The following CADPS variants were observed in gnomAD, a reference collection of about 807,000 sequenced individuals.
The protein encoded by CADPS is calcium-dependent secretion activator 1.
CADPS carries 57 observed loss-of-function variants against 167.3 expected under a neutral mutation model. The ratio of observed to expected loss-of-function variants is 0.34; its 90% CI spans 0.28 to 0.42. The LOEUF (loss-of-function observed/expected upper bound fraction) is 0.42. CADPS is among the 20% of genes least tolerant of loss of function. The pLI is 1.00. For missense variants in CADPS, 1,414 were observed against 1,738.1 expected (o/e 0.81, Z 3.32); for synonymous variants, 676 against 635.3 (o/e 1.06, Z -0.96).
intron 1 of CADPS, among the ~76,000 whole-genome samples, chr3:62,859,497 C>T (rs2080353102): frequency 6.6e-6 from 1 of 152,154 alleles, no homozygotes. Context: ...GGCAAATCTA[C>T]AATTGTCTAG....
intron 3 of CADPS, among the ~76,000 whole-genome samples, chr3:62,733,982 G>C (rs537492301): frequency 4.6e-5 from 7 of 152,230 alleles, no homozygotes; most frequent in African/African-American, 1.7e-4. Flanking sequence ...TCCGTTTTAC[G>C]GTGAGTAGTA....
rs778430753 is a variant in CADPS at position 62,585,256 on chromosome 3, G to A, written c.1506C>T (p.Asn502=). The change falls in exon 8 of 30, where the codon AAC becomes AAT. Residue 502 remains asparagine (N), a synonymous_variant. Transcript: ENST00000383710. ...TGATTTTGAGATCTTGGTCGGGGCA[G>A]TTTTTGGAGACTGTCATTTTGTGCC... The part of the protein sequence containing the change: ...SEWHKMTVSK[N]CPDQDLKIKL... 1.9e-6 allele frequency: 3 copies of A among 1,613,852 alleles called. No homozygotes were observed. In the African/African-American group the frequency reaches 4.0e-5, roughly 22 times the overall value.
chr3:62,753,381 A>G lies in CADPS; in HGVS notation c.888+60T>C. 1 of 1,222,240 alleles carries G rather than the reference A, an allele frequency of 8.2e-7. No homozygotes were observed. 75.7% of individuals were successfully genotyped at this position (1,222,240 alleles called of 1,614,324 possible). ...TTAAAAAAATCAAGAAGTATCTCAT[A>G]GAAGTTGGAATGCAGCTCTGCTTAC... On this transcript the variant is annotated intron_variant, in intron 3 of 29. Coordinates refer to ENST00000383710, the MANE Select transcript of CADPS (RefSeq NM_003716.4). This position sits in a 1 kb window ranked among gnomAD's most constrained non-coding sequence, Gnocchi z 4.6.
Position 62,465,796 on chromosome 3 carries a change from C to T in CADPS, c.3553-346G>A, listed in dbSNP as rs1286804298. On this transcript the variant is annotated intron_variant, in intron 25 of 29. Transcript: ENST00000383710. This position sits in a 1 kb window ranked among gnomAD's most constrained non-coding sequence, Gnocchi z 4.1. ...GTTTCTACGTTACATATTAGCACTA[C>T]ATTTAATCCAATCTATTTTTATTTG... 6.6e-6 allele frequency among the ~76,000 whole-genome samples: 1 copy of T among 152,232 alleles called. No homozygotes were observed. Among genetic ancestry groups the T allele is most frequent in the Non-Finnish European group, 1.5e-5 (1 of 68,038 alleles).
chr3:62,820,222 A>G (rs9311850), intron 1 of CADPS, among the ~76,000 whole-genome samples: 1 of 152,044 alleles, frequency 6.6e-6, no homozygotes, highest in Non-Finnish European at 1.5e-5. Context: ...CACTGGGCTC[A>G]ATCTGAAAAT....
At chr3:62,850,665 A>C (rs1407813707) in intron 1 of CADPS, among the ~76,000 whole-genome samples, 1 of 151,348 alleles carries the variant, frequency 6.6e-6, no homozygotes, top group Admixed American at 6.6e-5. Flanking sequence ...CTGTTCTTTT[A>C]CATTTGCTGA....
Position 62,544,784 on chromosome 3 carries a change from AT to A in CADPS, c.1966+5118del. On this transcript the variant is annotated intron_variant, in intron 11 of 29. Transcript: ENST00000383710. The surrounding 1 kb of genome is among the most constrained non-coding windows in gnomAD (Gnocchi z 4.4). ...GAAGATTTAAGGGGGAGGGAAGCAC[AT>A]TGCAGGTGTCAGATAATCTAATCTG... 1.2e-6 allele frequency: 1 copy of A among 852,910 alleles called. No individual in the cohort carries two copies. The highest frequency in any genetic ancestry group is 2.3e-5 in the South Asian group (1 of 43,424). The allele number at this position is 852,910 out of a possible 1,614,324, so 52.8% of individuals were successfully genotyped here.
chr3:62,563,965 G>A (rs181599696), intron 9 of CADPS, among the ~76,000 whole-genome samples: 18 of 152,246 alleles, frequency 1.2e-4, no homozygotes, highest in Admixed American at 1.2e-3. Context: ...CTAAGTGCTA[G>A]GAGTTATTGA....
chr3:62,812,335 T>C (rs2094429109), intron 1 of CADPS, among the ~76,000 whole-genome samples: 1 of 152,182 alleles, frequency 6.6e-6, no homozygotes, highest in Non-Finnish European at 1.5e-5. Context: ...ATACATAAGG[T>C]GGCCTTCAAG....
chr3:62,646,415 G>T (rs1183237838), intron 5 of CADPS, among the ~76,000 whole-genome samples: 1 of 151,462 alleles, frequency 6.6e-6, no homozygotes, highest in South Asian at 2.1e-4. Context: ...CAGGCACTAC[G>T]CCCGCCTCAG....
At position 62,438,229 on chromosome 3, in the gene CADPS, A is replaced by T; in HGVS notation, c.3670-18T>A. The T allele has an allele frequency of 1.3e-6, 2 of 1,591,168 alleles. No individual in the cohort carries two copies. The highest frequency in any genetic ancestry group is 1.1e-5 in the South Asian group (1 of 90,552). On this transcript the variant is annotated intron_variant, in intron 27 of 29. Transcript: ENST00000383710. This position sits in a 1 kb window ranked among gnomAD's most constrained non-coding sequence, Gnocchi z 4.7. The stretch of plus-strand genomic sequence containing the variant: ...CCGGGTTTCTGTAAAGAAACAGGAA[A>T]ACATGAAAACGAATTTTCAGACAGC...
chr3:62,805,600 A>T (rs1448325895), intron 1 of CADPS, among the ~76,000 whole-genome samples: 1 of 152,152 alleles, frequency 6.6e-6, no homozygotes, highest in African/African-American at 2.4e-5. Flanking sequence ...TATCAGCACT[A>T]ACTATATGTA....
chr3:62,558,446 C>G (rs2078573723), intron 9 of CADPS, among the ~76,000 whole-genome samples: 1 of 152,246 alleles, frequency 6.6e-6, no homozygotes, highest in Non-Finnish European at 1.5e-5. Flanking sequence ...GGGCTAAATG[C>G]TCTCAGGCAT....
At chr3:62,422,793 C>G (rs1463726220) in intron 28 of CADPS, among the ~76,000 whole-genome samples, 2 of 152,138 alleles carry the variant, frequency 1.3e-5, no homozygotes, top group African/African-American at 2.4e-5. Flanking sequence ...CCTCATAGTG[C>G]CATTGAAAAC....
intron 4 of CADPS, among the ~76,000 whole-genome samples, chr3:62,658,298 T>A (rs2072244687): frequency 6.6e-6 from 1 of 152,104 alleles, no homozygotes; most frequent in African/African-American, 2.4e-5. Flanking sequence ...ACAGCCAGTG[T>A]CTGACTGACA....
chr3:62,751,100 A>C (rs1033855766), intron 3 of CADPS, among the ~76,000 whole-genome samples: 2 of 152,202 alleles, frequency 1.3e-5, no homozygotes, highest in Non-Finnish European at 2.9e-5. Context: ...AGGCTACACT[A>C]AGAATTTATT....
chr3:62,637,040 C>G (rs943819267), intron 6 of CADPS, among the ~76,000 whole-genome samples: 1 of 152,110 alleles, frequency 6.6e-6, no homozygotes, highest in Non-Finnish European at 1.5e-5. Flanking sequence ...TATTTCTTAA[C>G]AGTACCATGT....
chr3:62,596,200 ATTT>A (rs11361617), intron 6 of CADPS, among the ~76,000 whole-genome samples: 11 of 136,778 alleles, frequency 8.0e-5, no homozygotes, highest in Admixed American at 1.5e-4. Flanking sequence ...ACAGAGTGCT[ATTT>A]TTTTTTTTTT....
At chr3:62,538,832 T>C (rs1199918053) in intron 11 of CADPS, among the ~76,000 whole-genome samples, 2 of 152,188 alleles carry the variant, frequency 1.3e-5, no homozygotes, top group African/African-American at 4.8e-5. Context: ...TTCACTTTGC[T>C]GGCCACTCAG....
Sources: allele counts gnomAD v4.1 joint callset (sites outside exome capture counted in the v4.1 genomes callset), GRCh38; gene constraint gnomAD v4.1.1; non-coding constraint Gnocchi (gnomAD v3.1); transcripts MANE v1.5; gene names NCBI Gene and HGNC (gene_info 2026-07-23, HGNC 2026-07-21).